The following BARX2 variants were observed in gnomAD, a reference collection of about 807,000 sequenced individuals.
BARX2 encodes the protein homeobox protein BarH-like 2.
In BARX2, 11 loss-of-function variants were observed where a neutral mutation model predicts 25.5. That is an observed-to-expected ratio of 0.43 (90% CI 0.27 to 0.71). The LOEUF (loss-of-function observed/expected upper bound fraction) is 0.71, where lower values mean the gene tolerates loss of function less well. Ranked by LOEUF, BARX2 falls within the 30% of genes least tolerant of loss-of-function variation. BARX2 has a pLI of 0.19. For synonymous variants in BARX2, 137 were observed against 149.5 expected (o/e 0.92, Z 0.61); for missense variants, 360 against 359.9 (o/e 1.00, Z 0.00).
chr11:129,437,256 C>A, intron 2 of BARX2: 3 of 600,078 alleles, frequency 5.0e-6, no homozygotes, highest in African/African-American at 1.9e-5. Flanking sequence ...AGCCTGCCTG[C>A]GGCTAAACTT....
chr11:129,391,887 A>G (rs1861669624), intron 1 of BARX2, among the ~76,000 whole-genome samples: 2 of 152,216 alleles, frequency 1.3e-5, no homozygotes, highest in African/African-American at 4.8e-5. Flanking sequence ...TGTCAGCATC[A>G]CTGGCATTTT....
At chr11:129,377,069 G>T (rs981912931) in intron 1 of BARX2, among the ~76,000 whole-genome samples, 6 of 152,166 alleles carry the variant, frequency 3.9e-5, no homozygotes, top group Non-Finnish European at 1.5e-5. Context: ...TGGAACATGG[G>T]TATAATAAAA....
At chr11:129,395,262 C>A (rs1861706638) in intron 1 of BARX2, among the ~76,000 whole-genome samples, 4 of 152,070 alleles carry the variant, frequency 2.6e-5, no homozygotes. Context: ...CTATTTAGTT[C>A]CCGTAGGCTG....
chr11:129,450,993 G>C, intron 3 of BARX2, 143 bp from the exon 4 acceptor site: 2 of 934,242 alleles, frequency 2.1e-6, no homozygotes, highest in Admixed American at 5.3e-5. Context: ...CAGAGGTGAT[G>C]GGTTGAGAAT....
intron 1 of BARX2, among the ~76,000 whole-genome samples, chr11:129,430,388 G>A (rs1862115734): frequency 6.6e-6 from 1 of 152,056 alleles, no homozygotes; most frequent in Non-Finnish European, 1.5e-5. Flanking sequence ...ATATATATAT[G>A]TACATAGGAA....
chr11:129,435,556 C>A (rs1862178770), intron 1 of BARX2, among the ~76,000 whole-genome samples: 1 of 152,190 alleles, frequency 6.6e-6, no homozygotes, highest in South Asian at 2.1e-4. Context: ...CTTGAAGTCA[C>A]TTTTCAGGGC....
At chr11:129,447,899 G>A (rs957845797) in intron 3 of BARX2, among the ~76,000 whole-genome samples, 10 of 152,152 alleles carry the variant, frequency 6.6e-5, no homozygotes, top group Non-Finnish European at 1.5e-4. Context: ...TGGCACAATT[G>A]GGTGCTTTCA....
chr11:129,384,007 G>T (rs1440059250), intron 1 of BARX2, among the ~76,000 whole-genome samples: 1 of 152,028 alleles, frequency 6.6e-6, no homozygotes, highest in Non-Finnish European at 1.5e-5. Flanking sequence ...CCAAGTAGCT[G>T]GGATTACAGG....
chr11:129,420,398 A>G (rs539046510), intron 1 of BARX2, among the ~76,000 whole-genome samples: 1 of 152,306 alleles, frequency 6.6e-6, no homozygotes, highest in Admixed American at 6.5e-5. Context: ...TGTGAACAGA[A>G]CACTCGTTTT....
intron 1 of BARX2, among the ~76,000 whole-genome samples, chr11:129,392,016 T>C (rs558667932): frequency 6.6e-6 from 1 of 152,322 alleles, no homozygotes; most frequent in East Asian, 1.9e-4. Context: ...CACAGCTCTG[T>C]CCTGAAGGGC....
At chr11:129,394,233 C>T (rs1207354985) in intron 1 of BARX2, among the ~76,000 whole-genome samples, 4 of 152,156 alleles carry the variant, frequency 2.6e-5, no homozygotes, top group South Asian at 2.1e-4. Flanking sequence ...ACGGTTCACT[C>T]ATTTTCATTG....
intron 1 of BARX2, among the ~76,000 whole-genome samples, chr11:129,398,161 G>C (rs1485111034): frequency 1.3e-5 from 2 of 152,164 alleles, no homozygotes; most frequent in African/African-American, 4.8e-5. Flanking sequence ...ATGGTGACTT[G>C]GGTGTTTCTG....
chr11:129,395,475 C>T (rs1861709724), intron 1 of BARX2, among the ~76,000 whole-genome samples: 1 of 152,110 alleles, frequency 6.6e-6, no homozygotes, highest in African/African-American at 2.4e-5. Context: ...TTAGTGAGGT[C>T]GTTTGGATTA....
chr11:129,406,520 A>T (rs1861831964), intron 1 of BARX2, among the ~76,000 whole-genome samples: 1 of 152,234 alleles, frequency 6.6e-6, no homozygotes, highest in South Asian at 2.1e-4. Context: ...GGGGAGACAG[A>T]TGTGCAAGCA....
chr11:129,436,107 T>A lies in BARX2; in HGVS notation c.188-644T>A, dbSNP rs1239210157. 6.6e-6 allele frequency: 1 copy of A among 152,242 alleles called. No homozygotes were observed. Among genetic ancestry groups the A allele is most frequent in the African/African-American group, 2.4e-5 (1 of 41,454 alleles). 9.4% of individuals were successfully genotyped at this position (152,242 alleles called of 1,614,324 possible). A position where few individuals can be genotyped will look rare whatever the true frequency, so the allele number is the denominator to read the frequency against. On this transcript the variant is annotated intron_variant, in intron 1 of 3. Transcript: ENST00000281437. This position sits in a 1 kb window ranked among gnomAD's most constrained non-coding sequence, Gnocchi z 4.5. The stretch of plus-strand genomic sequence containing the variant: ...ATCCATGTGATTCATGATGTGCTGA[T>A]AGCATGGGACTTCAAGTCAGAAGAA...
chr11:129,376,631 C>A lies in BARX2; in HGVS notation c.187+409C>A, dbSNP rs1861507700. Reference sequence around the variant, plus strand: ...TCTCACCTTGAGTTAACTTGTCCAGCCTCCTACTGTCTCCACTGTGAATTT... The same window carrying A: ...TCTCACCTTGAGTTAACTTGTCCAGACTCCTACTGTCTCCACTGTGAATTT... On this transcript the variant is annotated intron_variant, in intron 1 of 3. Transcript: ENST00000281437. This position sits in a 1 kb window ranked among gnomAD's most constrained non-coding sequence, Gnocchi z 4.2. 6.6e-6 allele frequency among the ~76,000 whole-genome samples: 1 copy of A among 152,228 alleles called. No individual in the cohort carries two copies. The highest frequency in any genetic ancestry group is 1.5e-5 in the Non-Finnish European group (1 of 68,044).
chr11:129,404,385 G>C (rs900799064), intron 1 of BARX2, among the ~76,000 whole-genome samples: 1 of 152,172 alleles, frequency 6.6e-6, no homozygotes, highest in African/African-American at 2.4e-5. Context: ...CCTTGCTTTG[G>C]GTGATTAGAA....
chr11:129,439,134 T>C (rs1862226807), intron 2 of BARX2, among the ~76,000 whole-genome samples: 1 of 151,898 alleles, frequency 6.6e-6, no homozygotes, highest in Non-Finnish European at 1.5e-5. Flanking sequence ...TTTAGAACTG[T>C]CTCTCTGGTG....
chr11:129,414,135 C>T (rs1303439763), intron 1 of BARX2, among the ~76,000 whole-genome samples: 1 of 151,494 alleles, frequency 6.6e-6, no homozygotes, highest in Non-Finnish European at 1.5e-5. Context: ...GTTTGAACTT[C>T]CTTACATTAC....
Sources: allele counts gnomAD v4.1 joint callset (sites outside exome capture counted in the v4.1 genomes callset), GRCh38; gene constraint gnomAD v4.1.1; non-coding constraint Gnocchi (gnomAD v3.1); transcripts MANE v1.5; gene names NCBI Gene and HGNC (gene_info 2026-07-23, HGNC 2026-07-21).